The following ZNF397 variants were observed in gnomAD, a reference collection of about 807,000 sequenced individuals.
ZNF397 encodes the protein zinc finger and SCAN domain-containing protein 15.
ZNF397 carries 38 observed loss-of-function variants against 50.6 expected under a neutral mutation model. The observed-to-expected ratio is 0.75, with a 90% CI of 0.58 to 0.98. ZNF397 has a LOEUF of 0.98. Among genes scored for constraint, ZNF397 ranks in the 50% least tolerant of loss-of-function variants. The probability of loss-of-function intolerance (pLI) is 0.00; values close to 1 mark genes in which losing one functional copy is unlikely to be tolerated. For synonymous variants in ZNF397, 228 were observed against 215.2 expected (o/e 1.06, Z -0.52); for missense variants, 624 against 624.1 (o/e 1.00, Z 0.00).
Position 35,247,055 on chromosome 18 carries a change from G to T in ZNF397, c.*745G>T. 1.0e-6 allele frequency: 1 copy of T among 975,806 alleles called. No homozygotes were observed. Among genetic ancestry groups the T allele is most frequent in the Non-Finnish European group, 1.2e-6 (1 of 821,228 alleles). The allele number at this position is 975,806 out of a possible 1,614,324, so 60.4% of individuals were successfully genotyped here. A position where few individuals can be genotyped will look rare whatever the true frequency, so the allele number is the denominator to read the frequency against. ...GAAGGATGAGGAGGAGTTAGCCAAG[G>T]TGGTACTCTAGGGAAGTGGTACCCC... On this transcript the variant is annotated 3_prime_UTR_variant, in exon 4 of 4. Transcript: ENST00000330501.
At chr18:35,256,149 G>A (rs566682398) in intron 5 of ZNF397, 23 of 152,492 alleles carry the variant, frequency 1.5e-4, no homozygotes, top group African/African-American at 5.5e-4. Flanking sequence ...GTCCTCAGAT[G>A]TATACATCAG....
chr18:35,242,678 C>G lies in ZNF397; in HGVS notation c.208C>G (p.Arg70Gly), dbSNP rs781505062. ...ACCTGGGCCCCGGGAGGCTCTGAGCCGACTCCAGGAACTTTGCTATCAGTG... is the reference window on the plus strand; with the variant it reads ...ACCTGGGCCCCGGGAGGCTCTGAGCGGACTCCAGGAACTTTGCTATCAGTG... ...ETPGPREALS[R>G]LQELCYQWLM... Residue 70 changes from arginine to glycine, a missense_variant, in exon 2 of 4, where the codon CGA becomes GGA. Physicochemically the swap from Arg to Gly is moderately radical, Grantham distance 125. Coordinates refer to ENST00000330501, the MANE Select transcript of ZNF397 (RefSeq NM_001135178.3). 6.2e-7 allele frequency: 1 copy of G among 1,614,220 alleles called. No individual in the cohort carries two copies. The highest frequency in any genetic ancestry group is 8.5e-7 in the Non-Finnish European group (1 of 1,180,046).
In ZNF397 at chr18:35,245,857, C is replaced by A; in HGVS notation, c.1152C>A (p.Leu384=). The A allele has an allele frequency of 6.4e-7, 1 of 1,553,736 alleles. No homozygotes were observed. Among genetic ancestry groups the A allele is most frequent in the South Asian group, 1.2e-5 (1 of 84,164 alleles). ...CGKAFSQSSY[L]IIHQRIHTGE... ...AAGCATTCAGTCAAAGTTCATATCT[C>A]ATTATACATCAAAGAATTCACACTG... is the stretch of plus-strand genomic sequence containing the variant. Residue 384 remains leucine, a synonymous_variant, in exon 4 of 4, where the codon CTC becomes CTA. Transcript: ENST00000330501.
rs2043505583 is a variant in ZNF397 at position 35,247,691 on chromosome 18, T to TTTTTTG, written c.*1381_*1382insTTTTTG. The TTTTTTG allele has an allele frequency of 6.7e-6, 1 of 148,624 alleles. No individual in the cohort carries two copies. The highest frequency in any genetic ancestry group is 6.8e-5 in the Admixed American group (1 of 14,632). The allele number at this position is 148,624 out of a possible 1,614,324, so 9.2% of individuals were successfully genotyped here. A position where few individuals can be genotyped will look rare whatever the true frequency, so the allele number is the denominator to read the frequency against. On this transcript the variant is annotated 3_prime_UTR_variant, in exon 4 of 4. Coordinates refer to ENST00000330501, the MANE Select transcript of ZNF397 (RefSeq NM_001135178.3). ...ATTTTTTTTTTTTTTTTTTTTTTTT[T>TTTTTTG]GAGATGGAGTTCGCTCTTGTCCAGG... is the stretch of plus-strand genomic sequence containing the variant.
In ZNF397 at chr18:35,242,641, C is replaced by T. The variant is rs1284956032; in HGVS notation, c.171C>T (p.Cys57=). The change falls in exon 2 of 4, where the codon TGC becomes TGT. Residue 57 remains cysteine, a synonymous_variant. Transcript: ENST00000330501. ...ELFRQQFRKF[C]YQETPGPREA... ...TTCGTCAGCAATTCAGAAAATTTTGCTACCAGGAGACACCTGGGCCCCGGG... is the reference window on the plus strand; with the variant it reads ...TTCGTCAGCAATTCAGAAAATTTTGTTACCAGGAGACACCTGGGCCCCGGG... The T allele has an allele frequency of 6.2e-7, 1 of 1,614,212 alleles. No individual in the cohort carries two copies. Among genetic ancestry groups the T allele is most frequent in the South Asian group, 1.1e-5 (1 of 91,086 alleles).
At position 35,249,087 on chromosome 18, in the gene ZNF397, A is replaced by G. The variant is rs1473518897; in HGVS notation, c.*2777A>G. The G allele has an allele frequency of 5.9e-5, 9 of 152,190 alleles. No individual in the cohort carries two copies. Among genetic ancestry groups the G allele is most frequent in the Non-Finnish European group, 2.9e-5 (2 of 68,038 alleles). 9.4% of individuals were successfully genotyped at this position (152,190 alleles called of 1,614,324 possible). A position where few individuals can be genotyped will look rare whatever the true frequency, so the allele number is the denominator to read the frequency against. On this transcript the variant is annotated 3_prime_UTR_variant, in exon 4 of 4. Coordinates refer to ENST00000330501, the MANE Select transcript of ZNF397 (RefSeq NM_001135178.3). ...GCTACTTAAGTAGGGAAATCACAAA[A>G]TAAGTGCCAATGAACAATAAATGTT...
rs965515268 is a variant in ZNF397, at chr18:35,247,704, G to C, written c.*1394G>C. On this transcript the variant is annotated 3_prime_UTR_variant, in exon 4 of 4. Transcript: ENST00000330501. ...TTTTTTTTTTTTTGAGATGGAGTTCGCTCTTGTCCAGGCTGGAGTGCAATG... is the reference window on the plus strand; with the variant it reads ...TTTTTTTTTTTTTGAGATGGAGTTCCCTCTTGTCCAGGCTGGAGTGCAATG... 2 of 102,628 alleles carry C rather than the reference G, an allele frequency of 1.9e-5. No homozygotes were observed. The highest frequency in any genetic ancestry group is 3.6e-5 in the Non-Finnish European group (2 of 55,780). 6.4% of individuals were successfully genotyped at this position (102,628 alleles called of 1,614,324 possible). A position where few individuals can be genotyped will look rare whatever the true frequency, so the allele number is the denominator to read the frequency against.
chr18:35,243,710 G>C lies in ZNF397; in HGVS notation c.556+417G>C, dbSNP rs1375057949. On this transcript the variant is annotated intron_variant, in intron 3 of 3. Transcript: ENST00000330501. ...CTTAGAGGATCAAGGAACACTTCCT[G>C]AAGGAAGAAAATCTAAGCTAAGACT... 9.0e-6 allele frequency: 3 copies of C among 334,524 alleles called. No individual in the cohort carries two copies. In the South Asian group the frequency reaches 1.3e-4, roughly 15 times the overall value. 20.7% of individuals were successfully genotyped at this position (334,524 alleles called of 1,614,324 possible). A position where few individuals can be genotyped will look rare whatever the true frequency, so the allele number is the denominator to read the frequency against.
In ZNF397 at chr18:35,246,000, A is replaced by G; in HGVS notation, c.1295A>G (p.Lys432Arg). Residue 432 changes from lysine (K) to arginine (R), a missense_variant, in exon 4 of 4, where the codon AAA (lysine) becomes AGA (arginine). Transcript: ENST00000330501. ...ERPYECNECGKAFRQSSELIT... is the reference protein window; with the variant it reads ...ERPYECNECGRAFRQSSELIT... ...CCCTATGAATGTAATGAATGTGGAA[A>G]AGCTTTCAGGCAGAGCTCAGAGCTG... The G allele has an allele frequency of 7.6e-6, 12 of 1,578,076 alleles. No homozygotes were observed. The highest frequency in any genetic ancestry group is 7.7e-6 in the Non-Finnish European group (9 of 1,161,802).
chr18:35,245,508 T>A lies in ZNF397; in HGVS notation c.803T>A (p.Leu268Gln). ...LYDEAERCLI[L>Q]TTDSIMCQKV... ...GATGAGGCTGAAAGATGCTTGATTC[T>A]AACTACAGACTCTATAATGTGTCAG... Residue 268 changes from leucine (L) to glutamine (Q), a missense_variant, in exon 4 of 4, where the codon CTA (leucine) becomes CAA (glutamine). Physicochemically the swap from Leu to Gln is moderately radical, Grantham distance 113. Transcript: ENST00000330501. 1 of 1,552,444 alleles carries A rather than the reference T, an allele frequency of 6.4e-7. No individual in the cohort carries two copies. Among genetic ancestry groups the A allele is most frequent in the Non-Finnish European group, 8.7e-7 (1 of 1,147,154 alleles).
chr18:35,244,047 G>C (rs1049693400), intron 3 of ZNF397: 2 of 155,078 alleles, frequency 1.3e-5, no homozygotes, highest in Non-Finnish European at 2.9e-5. Flanking sequence ...TGCAAATGGA[G>C]AATCATGTAA....
chr18:35,241,563 AC>A (rs1316331250), intron 1 of ZNF397: 4 of 152,176 alleles, frequency 2.6e-5, no homozygotes, highest in Non-Finnish European at 5.9e-5. Context: ...AACATTTAAT[AC>A]CTATTTGTTA....
chr18:35,245,301 C>T lies in ZNF397; in HGVS notation c.596C>T (p.Ser199Leu), dbSNP rs2043456842. ...GAAACAGCAACAAAAGAGGGCATCT[C>T]AGAAGAAAAATCACAGGGACTCCCT... ...NSETATKEGISEEKSQGLPQE... is the reference protein window; with the variant it reads ...NSETATKEGILEEKSQGLPQE... The change falls in exon 4 of 4, where the codon TCA becomes TTA. Residue 199 changes from serine to leucine, a missense_variant. Transcript: ENST00000330501. The T allele has an allele frequency of 6.2e-7, 1 of 1,611,246 alleles. No individual in the cohort carries two copies. The highest frequency in any genetic ancestry group is 1.3e-5 in the African/African-American group (1 of 74,830).
downstream of ZNF397, chr18:35,253,819 G>T (rs1370284077): frequency 1.9e-6 from 3 of 1,614,112 alleles, no homozygotes; most frequent in Non-Finnish European, 2.5e-6. Flanking sequence ...GATGCCTGAT[G>T]AGCTCTGAAC....
rs536345951 is a variant in ZNF397, at chr18:35,243,448, C to T, written c.556+155C>T. 77 of 974,260 alleles carry T rather than the reference C, an allele frequency of 7.9e-5. No homozygotes were observed. The South Asian group carries it at 1.0e-3, about 13-fold the overall frequency. 60.4% of individuals were successfully genotyped at this position (974,260 alleles called of 1,614,324 possible). On this transcript the variant is annotated intron_variant, in intron 3 of 3. Coordinates refer to ENST00000330501, the MANE Select transcript of ZNF397 (RefSeq NM_001135178.3). ...CGCTTTAGCGGCTTTGTATTCACCC[C>T]TCATGAATTGCTGTCAGCCCTCCTG...
chr18:35,245,027 T>A (rs530032942), intron 3 of ZNF397, among the ~76,000 whole-genome samples: 2 of 152,050 alleles, frequency 1.3e-5, no homozygotes, highest in Non-Finnish European at 2.9e-5. Context: ...TAGAAAAAAA[T>A]TGTAGGTAAT....
chr18:35,250,647 T>G (rs558519416), downstream of ZNF397, among the ~76,000 whole-genome samples: 2 of 152,338 alleles, frequency 1.3e-5, no homozygotes, highest in East Asian at 3.9e-4. Context: ...CCAAGCTCAT[T>G]GAAGACCTGC....
chr18:35,246,028 T>A lies in ZNF397; in HGVS notation c.1323T>A (p.Ile441=), dbSNP rs747560793. 22 of 1,568,714 alleles carry A rather than the reference T, an allele frequency of 1.4e-5. No individual in the cohort carries two copies. Among genetic ancestry groups the A allele is most frequent in the Non-Finnish European group, 1.7e-5 (20 of 1,156,796 alleles). ...CTTTCAGGCAGAGCTCAGAGCTGATTACTCATCAGAGAATACATAGTGGAG... is the reference window on the plus strand; with the variant it reads ...CTTTCAGGCAGAGCTCAGAGCTGATAACTCATCAGAGAATACATAGTGGAG... ...GKAFRQSSEL[I]THQRIHSGEK... The change falls in exon 4 of 4, where the codon ATT becomes ATA. Residue 441 remains isoleucine (I), a synonymous_variant. Transcript: ENST00000330501.
In ZNF397 at chr18:35,245,495, A is replaced by G. The variant is rs1448576439; in HGVS notation, c.790A>G (p.Arg264Gly). 1 of 1,552,556 alleles carries G rather than the reference A, an allele frequency of 6.4e-7. No homozygotes were observed. Among genetic ancestry groups the G allele is most frequent in the South Asian group, 1.2e-5 (1 of 84,100 alleles). ...GAGAGACCTTTATGATGAGGCTGAA[A>G]GATGCTTGATTCTAACTACAGACTC... ...GKRDLYDEAE[R>G]CLILTTDSIM... Residue 264 changes from arginine to glycine, a missense_variant, in exon 4 of 4, where the codon AGA becomes GGA. Transcript: ENST00000330501.
Sources: allele counts gnomAD v4.1 joint callset (sites outside exome capture counted in the v4.1 genomes callset), GRCh38; gene constraint gnomAD v4.1.1; transcripts MANE v1.5; gene names NCBI Gene and HGNC (gene_info 2026-07-23, HGNC 2026-07-21).